The following RYR2 variants were observed in gnomAD, a reference collection of about 807,000 sequenced individuals.
RYR2 encodes ryanodine receptor 2.
Under a neutral mutation model 601.1 loss-of-function variants are expected in RYR2, and 227 were observed. The ratio of observed to expected loss-of-function variants is 0.38; its 90% CI spans 0.34 to 0.42. The LOEUF (loss-of-function observed/expected upper bound fraction) is 0.42. Among genes scored for constraint, RYR2 ranks in the 10% least tolerant of loss-of-function variants. RYR2 has a pLI of 1.00. For synonymous variants in RYR2, 2,223 were observed against 2,175.1 expected, an observed-to-expected ratio of 1.02 and a Z score of -0.61; for missense variants, 4,646 against 6,156.5, an observed-to-expected ratio of 0.75 and a Z score of 8.21.
chr1:237,435,471 A>AT (rs779110726), intron 12 of RYR2, among the ~76,000 whole-genome samples: 8 of 152,196 alleles, frequency 5.3e-5, no homozygotes, highest in Non-Finnish European at 1.2e-4. Flanking sequence ...ATGGAGATGA[A>AT]TTTTGCATTT....
intron 96 of RYR2, among the ~76,000 whole-genome samples, chr1:237,796,374 A>G (rs755777519): frequency 3.3e-5 from 5 of 152,132 alleles, no homozygotes; most frequent in Non-Finnish European, 7.3e-5. Flanking sequence ...CCGCTATGGT[A>G]CCTAATTTGT....
intron 1 of RYR2, among the ~76,000 whole-genome samples, chr1:237,054,337 C>T (rs1002415962): frequency 2.7e-5 from 4 of 147,256 alleles, no homozygotes; most frequent in Non-Finnish European, 6.0e-5. Flanking sequence ...CCCCCTCCCC[C>T]CCTCCCTCCA....
chr1:237,494,296 G>A (rs1482655462), intron 19 of RYR2, among the ~76,000 whole-genome samples: 1 of 152,102 alleles, frequency 6.6e-6, no homozygotes, highest in Non-Finnish European at 1.5e-5. Context: ...GAGAGCCCCT[G>A]GCAAACCACT....
intron 1 of RYR2, among the ~76,000 whole-genome samples, chr1:237,263,232 T>C (rs1215621233): frequency 6.6e-6 from 1 of 152,182 alleles, no homozygotes; most frequent in Admixed American, 6.6e-5. Flanking sequence ...TTAAATAAGA[T>C]CTTACCTTGG....
intron 76 of RYR2, among the ~76,000 whole-genome samples, chr1:237,728,556 G>A (rs928611684): frequency 6.6e-6 from 1 of 151,980 alleles, no homozygotes; most frequent in African/African-American, 2.4e-5. Context: ...ATGATAGACT[G>A]GATAAAGAAA....
intron 29 of RYR2, 24 bp from the exon 30 acceptor site, chr1:237,589,769 A>C: frequency 6.3e-6 from 10 of 1,589,668 alleles, no homozygotes; most frequent in Non-Finnish European, 8.6e-6. Context: ...TGGTACTAAA[A>C]CTTGATTTTT....
At chr1:237,140,411 T>TA (rs1360623038) in intron 1 of RYR2, among the ~76,000 whole-genome samples, 3 of 152,214 alleles carry the variant, frequency 2.0e-5, no homozygotes, top group Admixed American at 6.5e-5. Flanking sequence ...CATCACAAAT[T>TA]AAGTTGTGAC....
In RYR2 at chr1:237,604,110, A is replaced by G. The variant is rs183737352; in HGVS notation, c.4683+1999A>G. On this transcript the variant is annotated intron_variant, in intron 35 of 104. Transcript: ENST00000366574. ...ACAGAACTCTCCACCCCAAATCAAC[A>G]GAATATACATTCTTCTCATCACCAC... 2.2e-3 allele frequency among the ~76,000 whole-genome samples: 341 copies of G among 152,332 alleles called. 2 individuals carry two copies. The highest frequency in any genetic ancestry group is 7.9e-3 in the African/African-American group (328 of 41,570).
intron 1 of RYR2, among the ~76,000 whole-genome samples, chr1:237,044,217 T>G (rs1660283681): frequency 6.6e-6 from 1 of 151,986 alleles, no homozygotes; most frequent in African/African-American, 2.4e-5. Flanking sequence ...AACACCACAT[T>G]AGATTTTTCT....
intron 51 of RYR2, among the ~76,000 whole-genome samples, chr1:237,652,861 T>C (rs932783948): frequency 6.6e-6 from 1 of 152,124 alleles, no homozygotes; most frequent in Non-Finnish European, 1.5e-5. Context: ...GACTCCTAAA[T>C]TGTGTGGATG....
chr1:237,291,166 T>G (rs1366806720), intron 2 of RYR2, among the ~76,000 whole-genome samples: 1 of 152,146 alleles, frequency 6.6e-6, no homozygotes, highest in East Asian at 1.9e-4. Context: ...CTCTTGCACT[T>G]GGGCTCATGA....
intron 80 of RYR2, among the ~76,000 whole-genome samples, chr1:237,754,593 G>A (rs956694090): frequency 9.9e-5 from 15 of 152,108 alleles, no homozygotes; most frequent in African/African-American, 2.2e-4. Context: ...TTTCATGAGC[G>A]AATAATTTCT....
intron 10 of RYR2, among the ~76,000 whole-genome samples, chr1:237,410,799 C>T (rs1315141027): frequency 1.3e-5 from 2 of 151,972 alleles, no homozygotes; most frequent in African/African-American, 4.8e-5. Flanking sequence ...GCTGGAGCTA[C>T]AGTAAGGGTG....
rs187592150 is a variant in RYR2, at chr1:237,413,023, G to A, written c.774-4026G>A. The stretch of plus-strand genomic sequence containing the variant: ...GGTGGGCTGATTTCTAAATAAGTTT[G>A]AGTGTCCTTAAAGTCCTTTATGAAG... On this transcript the variant is annotated intron_variant, in intron 10 of 104. Coordinates refer to ENST00000366574, the MANE Select transcript of RYR2 (RefSeq NM_001035.3). Among the ~76,000 whole-genome samples, 3 of 152,196 alleles carry A rather than the reference G, an allele frequency of 2.0e-5. No homozygotes were observed. The East Asian group carries it at 5.8e-4, about 29-fold the overall frequency.
chr1:237,050,386 C>T (rs1661104240), intron 1 of RYR2, among the ~76,000 whole-genome samples: 1 of 152,144 alleles, frequency 6.6e-6, no homozygotes, highest in Admixed American at 6.5e-5. Flanking sequence ...CACATTTGCT[C>T]CCTGGGACAC....
At chr1:237,145,715 G>T (rs1022707397) in intron 1 of RYR2, among the ~76,000 whole-genome samples, 5 of 152,098 alleles carry the variant, frequency 3.3e-5, no homozygotes, top group African/African-American at 1.2e-4. Context: ...CCAGTTTTTT[G>T]AAACAGACCC....
At chr1:237,724,538 A>T (rs1012373990) in intron 74 of RYR2, among the ~76,000 whole-genome samples, 3 of 152,022 alleles carry the variant, frequency 2.0e-5, no homozygotes, top group South Asian at 2.1e-4. Context: ...CTGTATGGCT[A>T]TTAACATATA....
At chr1:237,124,336 G>A (rs2485571) in intron 1 of RYR2, among the ~76,000 whole-genome samples, 84,378 of 152,014 alleles carry the variant, frequency 0.56, 23,737 homozygotes, top group Admixed American at 0.6. Context: ...TTGACCATTC[G>A]GTATCTGCTT....
Position 237,707,104 on chromosome 1 carries a change from A to G in RYR2, c.9736A>G (p.Met3246Val), listed in dbSNP as rs745839689. 22 of 1,613,826 alleles carry G rather than the reference A, an allele frequency of 1.4e-5. No homozygotes were observed. The South Asian group carries it at 1.9e-4, about 14-fold the overall frequency. The part of the protein sequence containing the change: ...EVILPMLCSY[M>V]SRWWEHGPEN... ...CATACTGCCCATGCTTTGCAGCTAC[A>G]TGTCTCGTTGGTGGGAGCATGGACC... The change falls in exon 68 of 105, where the codon ATG becomes GTG. Residue 3246 changes from methionine to valine, a missense_variant. This residue lies in a region of RYR2 where 1,497 missense variants were observed against 1,842.6 expected (regional missense o/e 0.81). Coordinates refer to ENST00000366574, the MANE Select transcript of RYR2 (RefSeq NM_001035.3).
Sources: allele counts gnomAD v4.1 joint callset (sites outside exome capture counted in the v4.1 genomes callset), GRCh38; gene constraint gnomAD v4.1.1; regional missense constraint gnomAD v4.1.1; transcripts MANE v1.5; gene names NCBI Gene and HGNC (gene_info 2026-07-23, HGNC 2026-07-21).